Variants in DLGAP2 observed in about 807,000 individuals in gnomAD.
DLGAP2 encodes disks large-associated protein 2.
A neutral mutation model predicts 100.3 loss-of-function variants in DLGAP2; 26 were observed. The observed-to-expected ratio is 0.26, with a 90% CI of 0.19 to 0.36. The LOEUF (loss-of-function observed/expected upper bound fraction) is 0.36, where lower values mean the gene tolerates loss of function less well. Ranked by LOEUF, DLGAP2 falls within the 10% of genes least tolerant of loss-of-function variation. The probability of loss-of-function intolerance (pLI) is 1.00; values close to 1 mark genes in which losing one functional copy is unlikely to be tolerated. For synonymous variants in DLGAP2, 886 were observed against 630.1 expected (o/e 1.41, Z -6.08); for missense variants, 1,858 against 1,453.2 (o/e 1.28, Z -4.53).
At chr8:1,213,047 G>C (rs1229062396) in intron 2 of DLGAP2, among the ~76,000 whole-genome samples, 4 of 152,198 alleles carry the variant, frequency 2.6e-5, no homozygotes, top group African/African-American at 7.2e-5. Flanking sequence ...GAGAATTTGG[G>C]AGGCCACAGA....
rs984796550 is a variant in DLGAP2 at position 1,345,436 on chromosome 8, G to A, written c.106+86553G>A. Among the ~76,000 whole-genome samples, 5 of 152,174 alleles carry A rather than the reference G, an allele frequency of 3.3e-5. No individual in the cohort carries two copies. The East Asian group carries it at 5.8e-4, about 18-fold the overall frequency. On this transcript the variant is annotated intron_variant, in intron 3 of 14. Transcript: ENST00000637795. ...GAGTTGCCAAATCTAAATAAACTAC[G>A]TCTATGACAAAATAAACAAATGATT...
At position 1,466,095 on chromosome 8, in the gene DLGAP2, CATTTTGAGTA is replaced by C. The variant is rs1798619168; in HGVS notation, c.107-35268_107-35259del. 2.0e-5 allele frequency among the ~76,000 whole-genome samples: 3 copies of C among 152,282 alleles called. No homozygotes were observed. In the East Asian group the frequency reaches 5.8e-4, roughly 29 times the overall value. On this transcript the variant is annotated intron_variant, in intron 3 of 14. Coordinates refer to ENST00000637795, the MANE Select transcript of DLGAP2 (RefSeq NM_001346810.2). ...TGCTTGTGCTGTCTGACATACTTTG[CATTTTGAGTA>C]ATAAATTAACCATATTCGTGTTGGA...
chr8:1,571,660 G>A (rs1295873181), intron 6 of DLGAP2, among the ~76,000 whole-genome samples: 4 of 134,808 alleles, frequency 3.0e-5, no homozygotes, highest in African/African-American at 1.1e-4. Context: ...GAGATGGAGA[G>A]AGAGAAGGGT....
At chr8:1,231,910 A>G (rs1204868570) in intron 2 of DLGAP2, among the ~76,000 whole-genome samples, 1 of 152,204 alleles carries the variant, frequency 6.6e-6, no homozygotes, top group East Asian at 1.9e-4. Context: ...ATCCTACAAT[A>G]GACCCAGGTA....
chr8:1,087,924 A>C (rs1804029882), intron 2 of DLGAP2, among the ~76,000 whole-genome samples: 1 of 152,220 alleles, frequency 6.6e-6, no homozygotes, highest in African/African-American at 2.4e-5. Context: ...ACCCTGGCAC[A>C]GTCCGCCCTC....
rs369533097 is a variant in DLGAP2 at position 744,552 on chromosome 8, G to A, written c.18+6727G>A. 1.9e-4 allele frequency among the ~76,000 whole-genome samples: 29 copies of A among 151,672 alleles called. No homozygotes were observed. The East Asian group carries it at 4.6e-3, about 24-fold the overall frequency. On this transcript the variant is annotated intron_variant, in intron 1 of 14. Coordinates refer to ENST00000637795, the MANE Select transcript of DLGAP2 (RefSeq NM_001346810.2). The stretch of plus-strand genomic sequence containing the variant: ...CACGGTCACTCCCTGCCTCTTCTCC[G>A]GCCACGTCGCCCTCCCGGGGTGCTG...
intron 5 of DLGAP2, among the ~76,000 whole-genome samples, chr8:1,561,891 G>A (rs13268003): frequency 7.0e-5 from 3 of 42,622 alleles, no homozygotes; most frequent in Non-Finnish European, 1.3e-4. Flanking sequence ...TCCGCGCCTC[G>A]TTACTGGGGG....
At chr8:1,467,737 G>A (rs1025903293) in intron 3 of DLGAP2, among the ~76,000 whole-genome samples, 1 of 152,162 alleles carries the variant, frequency 6.6e-6, no homozygotes, top group African/African-American at 2.4e-5. Context: ...ATAGCTCACT[G>A]CTGCCAGTAA....
chr8:1,442,886 C>T (rs1005273291), intron 3 of DLGAP2, among the ~76,000 whole-genome samples: 1 of 152,274 alleles, frequency 6.6e-6, no homozygotes, highest in Non-Finnish European at 1.5e-5. Flanking sequence ...CCACAGGATC[C>T]TGAGTCTAGC....
chr8:1,359,985 C>G (rs1801943045), intron 3 of DLGAP2, among the ~76,000 whole-genome samples: 1 of 152,206 alleles, frequency 6.6e-6, no homozygotes, highest in Admixed American at 6.5e-5. Context: ...GCCAGCACAC[C>G]TCAGCATCGC....
chr8:794,551 T>C (rs1470505038), intron 1 of DLGAP2, among the ~76,000 whole-genome samples: 1 of 152,216 alleles, frequency 6.6e-6, no homozygotes, highest in Non-Finnish European at 1.5e-5. Flanking sequence ...AGCATGTCTT[T>C]AAAGCACAGA....
intron 3 of DLGAP2, among the ~76,000 whole-genome samples, chr8:1,494,741 A>G (rs894962578): frequency 3.9e-5 from 6 of 151,972 alleles, no homozygotes; most frequent in Admixed American, 2.6e-4. Context: ...AAAAAAGGAA[A>G]GAAAAGAAAA....
intron 2 of DLGAP2, among the ~76,000 whole-genome samples, chr8:960,235 A>AACTTTTTTTTTTT (rs1799691008): frequency 2.4e-4 from 2 of 8,348 alleles, no homozygotes; most frequent in African/African-American, 8.7e-4. Context: ...CCTGAAGTAT[A>AACTTTTTTTTTTT]TCTTTTTTTT....
intron 2 of DLGAP2, among the ~76,000 whole-genome samples, chr8:1,150,136 C>A (rs1341621319): frequency 6.6e-6 from 1 of 152,132 alleles, no homozygotes; most frequent in African/African-American, 2.4e-5. Context: ...GAAGAGCTCC[C>A]CTAATTTTTG....
In DLGAP2 at chr8:1,028,633, A is replaced by G. The variant is rs531211350; in HGVS notation, c.73+120667A>G. On this transcript the variant is annotated intron_variant, in intron 2 of 14. Coordinates refer to ENST00000637795, the MANE Select transcript of DLGAP2 (RefSeq NM_001346810.2). ...GTATCAGACACAGATGTTCCTCAGA[A>G]GCTGTAGGATGCTCACGGGGCTGGA... is the stretch of plus-strand genomic sequence containing the variant. Among the ~76,000 whole-genome samples the G allele has an allele frequency of 2.2e-3, 328 of 152,348 alleles. 4 individuals are homozygous for G. The highest frequency in any genetic ancestry group is 7.6e-3 in the African/African-American group (318 of 41,580).
At chr8:966,935 AC>A (rs1312158107) in intron 2 of DLGAP2, among the ~76,000 whole-genome samples, 1 of 152,260 alleles carries the variant, frequency 6.6e-6, no homozygotes, top group Non-Finnish European at 1.5e-5. Context: ...CACTTGACAT[AC>A]ATCAGATAAA....
At chr8:1,017,798 C>A (rs746978089) in intron 2 of DLGAP2, among the ~76,000 whole-genome samples, 1 of 152,238 alleles carries the variant, frequency 6.6e-6, no homozygotes, top group Non-Finnish European at 1.5e-5. Context: ...GGCCACCTCA[C>A]TCCTCTCCAC....
intron 1 of DLGAP2, among the ~76,000 whole-genome samples, chr8:790,454 T>G (rs1821996315): frequency 1.3e-5 from 2 of 152,330 alleles, no homozygotes; most frequent in South Asian, 4.1e-4. Context: ...GCTGTGGTTT[T>G]CATCTATAGG....
At chr8:1,374,179 C>G (rs986859247) in intron 3 of DLGAP2, among the ~76,000 whole-genome samples, 2 of 143,836 alleles carry the variant, frequency 1.4e-5, no homozygotes, top group Non-Finnish European at 3.0e-5. Flanking sequence ...TTGCAGAGGG[C>G]TGTGGTGGAG....
Sources: allele counts gnomAD v4.1 joint callset (sites outside exome capture counted in the v4.1 genomes callset), GRCh38; gene constraint gnomAD v4.1.1; transcripts MANE v1.5; gene names NCBI Gene and HGNC (gene_info 2026-07-23, HGNC 2026-07-21).